EAF2: variants seen among roughly 807,000 people sequenced by gnomAD.
EAF2 encodes the protein ELL-associated factor 2.
In EAF2, 29 loss-of-function variants were observed where a neutral mutation model predicts 29.4. The observed-to-expected ratio is 0.99, with a 90% confidence interval of 0.73 to 1.35. EAF2 has a LOEUF of 1.35. EAF2 is among the 40% of genes most tolerant of loss of function. EAF2 has a pLI of 0.00. For synonymous variants in EAF2, 103 were observed against 102.5 expected, an observed-to-expected ratio of 1.00 and a Z score of -0.03; for missense variants, 292 against 312.0, an observed-to-expected ratio of 0.94 and a Z score of 0.48.
chr3:121,835,408 C>T lies in EAF2; in HGVS notation c.106+17C>T, dbSNP rs371705531. 40 of 1,611,038 alleles carry T rather than the reference C, an allele frequency of 2.5e-5. No homozygotes were observed. Among genetic ancestry groups the T allele is most frequent in the Non-Finnish European group, 3.2e-5 (38 of 1,177,672 alleles). On this transcript the variant is annotated intron_variant, in intron 1 of 5. Coordinates refer to ENST00000273668, the MANE Select transcript of EAF2 (RefSeq NM_018456.6). ...CTGTGCGCTGTGAGTGAGGACCATCCGGGGATAGAGGGGGAGCCTCCCGGG... is the reference window on the plus strand; with the variant it reads ...CTGTGCGCTGTGAGTGAGGACCATCTGGGGATAGAGGGGGAGCCTCCCGGG...
At chr3:121,869,603 G>A (rs1029978494) in intron 4 of EAF2, among the ~76,000 whole-genome samples, 1 of 152,150 alleles carries the variant, frequency 6.6e-6, no homozygotes, top group African/African-American at 2.4e-5. Flanking sequence ...TAGGCTGGGT[G>A]TGGTGGTTCA....
chr3:121,850,848 C>T (rs976781230), intron 2 of EAF2, among the ~76,000 whole-genome samples: 16 of 151,986 alleles, frequency 1.1e-4, no homozygotes, highest in African/African-American at 1.9e-4. Flanking sequence ...AGGCAGTGCC[C>T]GCCACCATGC....
At chr3:121,862,852 T>C (rs1708857814) in intron 4 of EAF2, among the ~76,000 whole-genome samples, 1 of 152,176 alleles carries the variant, frequency 6.6e-6, no homozygotes, top group African/African-American at 2.4e-5. Flanking sequence ...TCTTTGATAA[T>C]GGTGACGTAC....
At chr3:121,840,515 A>AAAAAAAAAAAAAAAAAAAAAC (rs1167466790) in intron 1 of EAF2, among the ~76,000 whole-genome samples, 1 of 97,958 alleles carries the variant, frequency 1.0e-5, no homozygotes, top group Non-Finnish European at 2.0e-5. Flanking sequence ...AAAAGAAAAA[A>AAAAAAAAAAAAAAAAAAAAAC]AAAAAACGGG....
At chr3:121,852,988 A>G (rs532993353) in intron 2 of EAF2, among the ~76,000 whole-genome samples, 1 of 152,298 alleles carries the variant, frequency 6.6e-6, no homozygotes, top group South Asian at 2.1e-4. Context: ...TTTATTAGTA[A>G]TGATCTAGGT....
At chr3:121,849,950 A>G (rs768568148) in intron 2 of EAF2, among the ~76,000 whole-genome samples, 16 of 126,084 alleles carry the variant, frequency 1.3e-4, no homozygotes, top group Admixed American at 3.0e-4. Context: ...GTATATATAT[A>G]TATATCAACC....
At chr3:121,850,672 A>T (rs1452657905) in intron 2 of EAF2, among the ~76,000 whole-genome samples, 4 of 152,020 alleles carry the variant, frequency 2.6e-5, no homozygotes, top group Non-Finnish European at 5.9e-5. Flanking sequence ...TACATTATAC[A>T]TTCTCAGACA....
Sources: allele counts gnomAD v4.1 joint callset (sites outside exome capture counted in the v4.1 genomes callset), GRCh38; gene constraint gnomAD v4.1.1; transcripts MANE v1.5; gene names NCBI Gene and HGNC (gene_info 2026-07-23, HGNC 2026-07-21).